Variants in RASA3 observed in about 807,000 individuals in gnomAD.
The protein encoded by RASA3 is ras GTPase-activating protein 3.
In RASA3, 73 loss-of-function variants were observed where a neutral mutation model predicts 110.0. The ratio of observed to expected loss-of-function variants is 0.66; its 90% CI spans 0.55 to 0.81. RASA3 has a LOEUF of 0.81. RASA3 is among the 30% of genes least tolerant of loss of function. The pLI is 0.00. For missense variants in RASA3, 976 were observed against 1,113.2 expected, an observed-to-expected ratio of 0.88 and a Z score of 1.75; for synonymous variants, 500 against 451.4, an observed-to-expected ratio of 1.11 and a Z score of -1.37.
chr13:114,073,222 T>C (rs71449062), intron 2 of RASA3, among the ~76,000 whole-genome samples: 27 of 146,678 alleles, frequency 1.8e-4, no homozygotes, highest in Admixed American at 1.4e-4. Flanking sequence ...GCTCGGGACA[T>C]TGTCTACGCA....
chr13:114,007,710 C>A, intron 17 of RASA3, 104 bp from the exon 18 acceptor site: 1 of 938,494 alleles, frequency 1.1e-6, no homozygotes, highest in Admixed American at 1.8e-5. Context: ...CTTTGTAATA[C>A]CAGTGGAGAC....
rs115799838 is a variant in RASA3 at position 114,049,936 on chromosome 13, G to A, written c.277+2116C>T. Among the ~76,000 whole-genome samples, 632 of 152,362 alleles carry A rather than the reference G, an allele frequency of 4.1e-3. 6 individuals are homozygous for A. The highest frequency in any genetic ancestry group is 0.014 in the African/African-American group (592 of 41,596). ...GGCAGCCCACCCATGCCGCGGGGTC[G>A]GAGGCCATCTCCTGCAGCAGGCCCC... On this transcript the variant is annotated intron_variant, in intron 3 of 23. Transcript: ENST00000334062.
rs1255650015 is a variant in RASA3 at position 114,021,526 on chromosome 13, G to T, written c.681-18C>A. 1 of 1,608,062 alleles carries T rather than the reference G, an allele frequency of 6.2e-7. No homozygotes were observed. Among genetic ancestry groups the T allele is most frequent in the Non-Finnish European group, 8.5e-7 (1 of 1,175,120 alleles). ...GGTCAACTCTGAAAAACAGCATCAG[G>T]ACAGCTCTAGCTGACGGCGGGCAGC... On this transcript the variant is annotated intron_variant, in intron 8 of 23. Transcript: ENST00000334062.
rs2079426488 is a variant in RASA3, at chr13:114,065,248, T to C, written c.173+8472A>G. Reference sequence around the variant, plus strand: ...TCTGCGCAAGGCTGGCGCTGCCCCATCCCGCCTGCGGCTGCTCCCATCACG... The same window carrying C: ...TCTGCGCAAGGCTGGCGCTGCCCCACCCCGCCTGCGGCTGCTCCCATCACG... On this transcript the variant is annotated intron_variant, in intron 2 of 23. Transcript: ENST00000334062. The surrounding 1 kb of genome is among the most constrained non-coding windows in gnomAD (Gnocchi z 4.1). Among the ~76,000 whole-genome samples the C allele has an allele frequency of 6.6e-6, 1 of 152,160 alleles. No homozygotes were observed. Among genetic ancestry groups the C allele is most frequent in the Admixed American group, 6.5e-5 (1 of 15,278 alleles).
At chr13:114,117,989 ATGT>A (rs2080318322) in intron 1 of RASA3, among the ~76,000 whole-genome samples, 1 of 151,742 alleles carries the variant, frequency 6.6e-6, no homozygotes, top group African/African-American at 2.4e-5. Context: ...GCACATGTGG[ATGT>A]TGCCGTGTGC....
intron 2 of RASA3, among the ~76,000 whole-genome samples, chr13:114,064,481 C>T (rs1180030934): frequency 2.0e-5 from 3 of 152,188 alleles, no homozygotes; most frequent in Non-Finnish European, 2.9e-5. Flanking sequence ...CCCAGGCCCA[C>T]GGACAGCCCC....
At chr13:114,017,476 C>T in intron 11 of RASA3, 125 bp from the exon 12 acceptor site, 7 of 772,010 alleles carry the variant, frequency 9.1e-6, no homozygotes, top group Non-Finnish European at 1.3e-5. Context: ...AGTCGGCTTC[C>T]TGACATTTTA....
At chr13:114,024,660 G>A (rs542435818) in intron 7 of RASA3, among the ~76,000 whole-genome samples, 4 of 152,356 alleles carry the variant, frequency 2.6e-5, no homozygotes, top group East Asian at 1.9e-4. Context: ...CTAAATGTCC[G>A]TCACCTGCGC....
In RASA3 at chr13:114,041,101, C is replaced by T; in HGVS notation, c.278-7G>A. On this transcript the variant is annotated splice_polypyrimidine_tract_variant and splice_region_variant and intron_variant, in intron 3 of 23. Coordinates refer to ENST00000334062, the MANE Select transcript of RASA3 (RefSeq NM_007368.4). ...TTCTGGATGGCCACCTTCCCTGCAA[C>T]ACAAGCAGAGAAGACTTCACCACGG... is the stretch of plus-strand genomic sequence containing the variant. The T allele has an allele frequency of 6.2e-7, 1 of 1,612,510 alleles. No individual in the cohort carries two copies. Among genetic ancestry groups the T allele is most frequent in the African/African-American group, 1.3e-5 (1 of 75,036 alleles).
chr13:113,990,145 G>A (rs1463410177), intron 22 of RASA3, among the ~76,000 whole-genome samples: 2 of 152,232 alleles, frequency 1.3e-5, no homozygotes, highest in South Asian at 2.1e-4. Context: ...CACCATGATC[G>A]AAAGTTTCCT....
intron 1 of RASA3, among the ~76,000 whole-genome samples, chr13:114,083,544 C>T (rs537633245): frequency 3.6e-5 from 5 of 139,958 alleles, no homozygotes; most frequent in Non-Finnish European, 6.4e-5. Flanking sequence ...TTCGTCCTCG[C>T]GGGGAAATCA....
chr13:113,980,885 AGAGGGAGGATCGAAGG>A (rs1713470337), intron 23 of RASA3, among the ~76,000 whole-genome samples: 1 of 152,138 alleles, frequency 6.6e-6, no homozygotes. Context: ...GGAGGAGGAG[AGAGGGAGGATCGAAGG>A]GAGGGAGGAC....
chr13:114,041,870 T>C (rs1046351573), intron 3 of RASA3, among the ~76,000 whole-genome samples: 1 of 151,704 alleles, frequency 6.6e-6, no homozygotes, highest in South Asian at 2.1e-4. Context: ...TGTAGATTCC[T>C]GGCCTTCTCC....
At chr13:114,080,666 G>GGGTCTCCCCCAGGGGCCA (rs2079768991) in intron 1 of RASA3, among the ~76,000 whole-genome samples, 4 of 135,232 alleles carry the variant, frequency 3.0e-5, no homozygotes, top group Non-Finnish European at 6.5e-5. Context: ...CCCGACAACG[G>GGGTCTCCCCCAGGGGCCA]CTGAAACAGG....
chr13:114,126,252 G>A (rs1456889729), intron 1 of RASA3, among the ~76,000 whole-genome samples: 4 of 152,172 alleles, frequency 2.6e-5, no homozygotes, highest in African/African-American at 9.7e-5. Context: ...TGCGGGGCAT[G>A]ACACCACATC....
rs1030876447 is a variant in RASA3, at chr13:114,011,009, A to C, written c.1590+162T>G. Among the ~76,000 whole-genome samples the C allele has an allele frequency of 1.3e-5, 2 of 152,056 alleles. No individual in the cohort carries two copies. Among genetic ancestry groups the C allele is most frequent in the African/African-American group, 4.8e-5 (2 of 41,374 alleles). ...GAGGGGAGAGGTGAGCGGGACGGGG[A>C]CGCTCAGGTCCTGGGTTTCAAGAGA... On this transcript the variant is annotated intron_variant, in intron 16 of 23. Coordinates refer to ENST00000334062, the MANE Select transcript of RASA3 (RefSeq NM_007368.4). This position sits in a 1 kb window ranked among gnomAD's most constrained non-coding sequence, Gnocchi z 4.8.
At chr13:114,062,615 G>C (rs933007806) in intron 2 of RASA3, among the ~76,000 whole-genome samples, 6 of 150,792 alleles carry the variant, frequency 4.0e-5, no homozygotes, top group Non-Finnish European at 8.8e-5. Flanking sequence ...ACTCAGACAC[G>C]CGTGCTCACA....
rs2052828967 is a variant in RASA3 at position 113,978,466 on chromosome 13, A to G, written c.*881T>C. 1 of 152,260 alleles carries G rather than the reference A, an allele frequency of 6.6e-6. No individual in the cohort carries two copies. Among genetic ancestry groups the G allele is most frequent in the Non-Finnish European group, 1.5e-5 (1 of 68,042 alleles). The allele number at this position is 152,260 out of a possible 1,614,324, so 9.4% of individuals were successfully genotyped here. On this transcript the variant is annotated 3_prime_UTR_variant, in exon 24 of 24. Coordinates refer to ENST00000334062, the MANE Select transcript of RASA3 (RefSeq NM_007368.4). ...ACTTTGTATCAAAGAGCTAATTAAAAATGGTCCTTCAAAAACATAAAGAAA... is the reference window on the plus strand; with the variant it reads ...ACTTTGTATCAAAGAGCTAATTAAAGATGGTCCTTCAAAAACATAAAGAAA...
At chr13:113,996,080 A>G (rs1594289376) in intron 21 of RASA3, among the ~76,000 whole-genome samples, 1 of 53,644 alleles carries the variant, frequency 1.9e-5, no homozygotes, top group Non-Finnish European at 4.0e-5. Context: ...GGCCCGGCTG[A>G]TGGGGGGCCC....
Sources: gnomAD v4.1 joint callset for allele counts (sites outside exome capture counted in the v4.1 genomes callset) on GRCh38, gnomAD v4.1.1 for gene constraint, Gnocchi (gnomAD v3.1) non-coding constraint, MANE v1.5 for transcripts, NCBI Gene and HGNC (gene_info 2026-07-23, HGNC 2026-07-21) for gene names.